Variants in KCNH5 observed in about 807,000 individuals in gnomAD.
KCNH5 encodes potassium voltage-gated channel subfamily H member 5, also known as voltage-gated delayed rectifier potassium channel KCNH5.
Under a neutral mutation model 96.1 loss-of-function variants are expected in KCNH5, and 46 were observed. The ratio of observed to expected loss-of-function variants is 0.48; its 90% CI spans 0.38 to 0.61. The LOEUF (loss-of-function observed/expected upper bound fraction) is 0.61, where lower values mean the gene tolerates loss of function less well. KCNH5 is among the 20% of genes least tolerant of loss of function. The probability of loss-of-function intolerance (pLI) is 0.00; values close to 1 mark genes in which losing one functional copy is unlikely to be tolerated. For synonymous variants in KCNH5, 439 were observed against 449.8 expected (o/e 0.98, Z 0.30); for missense variants, 907 against 1,225.8 (o/e 0.74, Z 3.88).
intron 10 of KCNH5, among the ~76,000 whole-genome samples, chr14:62,763,298 G>A (rs1434005165): frequency 2.6e-5 from 4 of 151,884 alleles, no homozygotes; most frequent in African/African-American, 9.7e-5. Context: ...ATAACTTCTG[G>A]GTAAACAATG....
In KCNH5 at chr14:63,003,619, TA is replaced by T. The variant is rs1211416865; in HGVS notation, c.305-2161del. Among the ~76,000 whole-genome samples the T allele has an allele frequency of 2.5e-4, 31 of 123,074 alleles. 2 individuals are homozygous for T. The highest frequency in any genetic ancestry group is 9.9e-4 in the African/African-American group (29 of 29,220). The allele number at this position is 123,074 out of a possible 152,430, so 80.7% of individuals were successfully genotyped here. On this transcript the variant is annotated intron_variant, in intron 3 of 10. Coordinates refer to ENST00000322893, the MANE Select transcript of KCNH5 (RefSeq NM_139318.5). ...TTATATATTTATATTTATATATATA[TA>T]TATATTTTTTTTTTTTTGAGACGGA...
intron 9 of KCNH5, among the ~76,000 whole-genome samples, chr14:62,790,899 T>A (rs928911729): frequency 2.6e-5 from 4 of 151,900 alleles, no homozygotes; most frequent in Non-Finnish European, 5.9e-5. Context: ...TTTCTACATA[T>A]AGAATCATGT....
At chr14:62,750,833 G>GA (rs1885482528) in intron 10 of KCNH5, among the ~76,000 whole-genome samples, 1 of 152,130 alleles carries the variant, frequency 6.6e-6, no homozygotes, top group Non-Finnish European at 1.5e-5. Context: ...GTAGAAGCTG[G>GA]TAAGGCCTGA....
chr14:62,960,481 A>G (rs1890185664), intron 6 of KCNH5, among the ~76,000 whole-genome samples: 1 of 152,182 alleles, frequency 6.6e-6, no homozygotes, highest in Admixed American at 6.6e-5. Context: ...TTCCTCCAGC[A>G]CTGATACCAT....
chr14:62,729,942 C>G (rs1164490146), intron 10 of KCNH5, among the ~76,000 whole-genome samples: 2 of 152,116 alleles, frequency 1.3e-5, no homozygotes, highest in African/African-American at 2.4e-5. Context: ...CAAACACTTG[C>G]TTTGAATTGT....
chr14:62,970,363 A>C (rs1890383866), intron 6 of KCNH5, among the ~76,000 whole-genome samples: 1 of 152,138 alleles, frequency 6.6e-6, no homozygotes, highest in Non-Finnish European at 1.5e-5. Context: ...CTAAAACACA[A>C]AGCATTAGGC....
chr14:62,752,312 T>TGAGAA (rs1014422498), intron 10 of KCNH5, among the ~76,000 whole-genome samples: 4 of 152,026 alleles, frequency 2.6e-5, no homozygotes, highest in African/African-American at 9.6e-5. Flanking sequence ...CCCTTCTGCT[T>TGAGAA]GAGAAGAGGA....
chr14:62,903,983 A>G (rs1447340078), intron 7 of KCNH5, among the ~76,000 whole-genome samples: 1 of 152,130 alleles, frequency 6.6e-6, no homozygotes, highest in African/African-American at 2.4e-5. Flanking sequence ...TCATTTTTAC[A>G]TATTTCTTAA....
chr14:63,020,019 C>T (rs1891395393), intron 1 of KCNH5, among the ~76,000 whole-genome samples: 1 of 152,064 alleles, frequency 6.6e-6, no homozygotes, highest in African/African-American at 2.4e-5. Context: ...GTAACTTAAA[C>T]AGACATTTCA....
At chr14:62,882,046 T>C (rs573106756) in intron 7 of KCNH5, among the ~76,000 whole-genome samples, 23 of 147,006 alleles carry the variant, frequency 1.6e-4, no homozygotes, top group South Asian at 1.3e-3. Flanking sequence ...GAAGGATCCA[T>C]TGAGGCCCAG....
rs774508312 is a variant in KCNH5, at chr14:62,708,090, G to A, written c.2385C>T (p.Leu795=). The change falls in exon 11 of 11, where the codon CTC becomes CTT. Residue 795 remains leucine, a synonymous_variant. Transcript: ENST00000322893. ...KPNGGADQKC[L]KVNSPIRMKN... is the part of the protein sequence containing the mutation. ...TCATTCTTATTGGGCTGTTGACTTT[G>A]AGACATTTTTGGTCAGCACCGCCGT... 1.2e-6 allele frequency: 2 copies of A among 1,614,168 alleles called. No individual in the cohort carries two copies. Among genetic ancestry groups the A allele is most frequent in the South Asian group, 2.2e-5 (2 of 91,080 alleles).
chr14:62,967,308 C>T (rs760410866), intron 6 of KCNH5, among the ~76,000 whole-genome samples: 1 of 151,898 alleles, frequency 6.6e-6, no homozygotes, highest in Non-Finnish European at 1.5e-5. Context: ...CCTCAAACTC[C>T]TGGGCTCAAG....
chr14:62,777,100 C>T (rs922600636), intron 10 of KCNH5, among the ~76,000 whole-genome samples: 1 of 152,014 alleles, frequency 6.6e-6, no homozygotes, highest in Non-Finnish European at 1.5e-5. Flanking sequence ...ATAATTTTTA[C>T]AATAATAGCA....
chr14:62,922,643 G>A (rs1889401127), intron 7 of KCNH5, among the ~76,000 whole-genome samples: 1 of 151,870 alleles, frequency 6.6e-6, no homozygotes, highest in Middle Eastern at 3.4e-3. Flanking sequence ...ATGCCAGGAT[G>A]GTTCAACATG....
At chr14:62,824,512 A>G (rs1424545828) in intron 8 of KCNH5, among the ~76,000 whole-genome samples, 2 of 152,086 alleles carry the variant, frequency 1.3e-5, no homozygotes, top group Admixed American at 6.6e-5. Context: ...TTTTTACTTT[A>G]GCAATAAAAG....
At chr14:62,995,425 C>T (rs1398236312) in intron 4 of KCNH5, among the ~76,000 whole-genome samples, 1 of 152,086 alleles carries the variant, frequency 6.6e-6, no homozygotes, top group Non-Finnish European at 1.5e-5. Context: ...CCCTTGTAAA[C>T]ATCCTCAACT....
intron 10 of KCNH5, among the ~76,000 whole-genome samples, chr14:62,740,633 C>T (rs1371326473): frequency 3.3e-5 from 5 of 152,074 alleles, no homozygotes; most frequent in Non-Finnish European, 5.9e-5. Flanking sequence ...CTGATTTTTT[C>T]CTTTATTTTT....
chr14:62,983,065 T>G (rs1013358946), intron 5 of KCNH5, among the ~76,000 whole-genome samples: 3 of 152,160 alleles, frequency 2.0e-5, no homozygotes, highest in African/African-American at 7.2e-5. Context: ...TAGTTTACCA[T>G]CTATATATAC....
At chr14:62,914,021 T>C (rs1889224045) in intron 7 of KCNH5, among the ~76,000 whole-genome samples, 1 of 152,172 alleles carries the variant, frequency 6.6e-6, no homozygotes, top group Non-Finnish European at 1.5e-5. Context: ...CAGTAATGAA[T>C]GTAATCAGAG....
Sources: gnomAD v4.1 joint callset for allele counts (sites outside exome capture counted in the v4.1 genomes callset) on GRCh38, gnomAD v4.1.1 for gene constraint, MANE v1.5 for transcripts, NCBI Gene and HGNC (gene_info 2026-07-23, HGNC 2026-07-21) for gene names.